The following VWC2L variants were observed in gnomAD, a reference collection of about 807,000 sequenced individuals.
VWC2L encodes von Willebrand factor C domain containing 2 like, also known as von Willebrand factor C domain-containing protein 2-like.
In VWC2L, 10 loss-of-function variants were observed where a neutral mutation model predicts 21.6. The observed-to-expected ratio is 0.46, with a 90% CI of 0.29 to 0.78. The LOEUF is 0.78. VWC2L is among the 30% of genes least tolerant of loss of function. The probability of loss-of-function intolerance (pLI) is 0.10; values close to 1 mark genes in which losing one functional copy is unlikely to be tolerated. For missense variants in VWC2L, 209 were observed against 277.1 expected (o/e 0.75, Z 1.74); for synonymous variants, 96 against 94.3 (o/e 1.02, Z -0.10).
At position 214,502,784 on chromosome 2, in the gene VWC2L, T is replaced by C. The variant is rs370405282; in HGVS notation, c.520+66026T>C. On this transcript the variant is annotated intron_variant, in intron 3 of 3. Transcript: ENST00000312504. ...AATTCTTGTGAAAGTCATTCCTGCT[T>C]CATATAATGAAATTCCTTAACTAGA... is the stretch of plus-strand genomic sequence containing the variant. Among the ~76,000 whole-genome samples, 6 of 152,332 alleles carry C rather than the reference T, an allele frequency of 3.9e-5. No homozygotes were observed. In the South Asian group the frequency reaches 6.2e-4, roughly 16 times the overall value.
intron 3 of VWC2L, among the ~76,000 whole-genome samples, chr2:214,511,477 G>A (rs575076857): frequency 6.6e-6 from 1 of 152,172 alleles, no homozygotes; most frequent in East Asian, 1.9e-4. Context: ...TATAAGAAGA[G>A]GAAGAGAGAG....
At chr2:214,421,939 T>A in intron 2 of VWC2L, among the ~76,000 whole-genome samples, 1 of 115,490 alleles carries the variant, frequency 8.7e-6, no homozygotes, top group South Asian at 2.8e-4. Context: ...TCGCCCAGGC[T>A]GGAGTGCAGT....
At chr2:214,521,716 C>T (rs1188842087) in intron 3 of VWC2L, among the ~76,000 whole-genome samples, 2 of 152,228 alleles carry the variant, frequency 1.3e-5, no homozygotes, top group East Asian at 3.9e-4. Context: ...GCATCATTAA[C>T]TGGAGTAACT....
rs75366088 is a variant in VWC2L, at chr2:214,573,210, G to A, written c.521-2462G>A. Among the ~76,000 whole-genome samples, 1,180 of 151,860 alleles carry A rather than the reference G, an allele frequency of 7.8e-3. 10 individuals are homozygous for A. Among genetic ancestry groups the A allele is most frequent in the Middle Eastern group, 0.014 (4 of 294 alleles). The stretch of plus-strand genomic sequence containing the variant: ...TGCCACTGATATTACCCAGCCTCCC[G>A]TGAGCCAGTAGCATGTCTCTACACA... On this transcript the variant is annotated intron_variant, in intron 3 of 3. Coordinates refer to ENST00000312504, the MANE Select transcript of VWC2L (RefSeq NM_001080500.4).
At chr2:214,414,665 T>G (rs943813414) in intron 2 of VWC2L, 82 bp downstream of exon 2, 12 of 1,434,002 alleles carry the variant, frequency 8.4e-6, no homozygotes, top group Non-Finnish European at 1.0e-5. Context: ...AAGTCAGAGT[T>G]GGAAAAATGT....
intron 3 of VWC2L, among the ~76,000 whole-genome samples, chr2:214,476,610 T>C (rs761300445): frequency 1.1e-4 from 17 of 152,182 alleles, no homozygotes; most frequent in Non-Finnish European, 2.4e-4. Flanking sequence ...TGACAGCAGG[T>C]GCTGAATATC....
At chr2:214,499,611 C>T (rs936813560) in intron 3 of VWC2L, among the ~76,000 whole-genome samples, 1 of 152,074 alleles carries the variant, frequency 6.6e-6, no homozygotes, top group Non-Finnish European at 1.5e-5. Context: ...ATGTACCAAA[C>T]CTGCACGTTG....
intron 3 of VWC2L, among the ~76,000 whole-genome samples, chr2:214,463,524 C>T (rs1205921368): frequency 6.6e-6 from 1 of 152,020 alleles, no homozygotes; most frequent in Non-Finnish European, 1.5e-5. Context: ...ATCTAATAAT[C>T]TCTACTTTAT....
At chr2:214,439,485 A>G (rs539939033) in intron 3 of VWC2L, among the ~76,000 whole-genome samples, 6 of 152,008 alleles carry the variant, frequency 3.9e-5, no homozygotes, top group Non-Finnish European at 7.4e-5. Context: ...AGATGCAACT[A>G]ATTCTAACCT....
intron 2 of VWC2L, among the ~76,000 whole-genome samples, chr2:214,435,504 A>T (rs570539222): frequency 6.6e-6 from 1 of 152,298 alleles, no homozygotes; most frequent in South Asian, 2.1e-4. Flanking sequence ...TCCACTATAG[A>T]CTGTCTGAGT....
Position 214,575,906 on chromosome 2 carries a change from A to C in VWC2L, c.*86A>C. 1 of 1,450,362 alleles carries C rather than the reference A, an allele frequency of 6.9e-7. No individual in the cohort carries two copies. Among genetic ancestry groups the C allele is most frequent in the Non-Finnish European group, 9.3e-7 (1 of 1,077,070 alleles). 89.8% of individuals were successfully genotyped at this position (1,450,362 alleles called of 1,614,324 possible). Reference sequence around the variant, plus strand: ...ATGTTTAACACAAAACAAAACAAACAAACTCCTGCCAGCTACAACAGGGTC... The same window carrying C: ...ATGTTTAACACAAAACAAAACAAACCAACTCCTGCCAGCTACAACAGGGTC... On this transcript the variant is annotated 3_prime_UTR_variant, in exon 4 of 4. Transcript: ENST00000312504.
chr2:214,549,024 C>G (rs1689752335), intron 3 of VWC2L, among the ~76,000 whole-genome samples: 1 of 152,164 alleles, frequency 6.6e-6, no homozygotes, highest in Non-Finnish European at 1.5e-5. Flanking sequence ...TCTGGAGGCT[C>G]CAAGAAATCT....
chr2:214,577,965 T>C lies in VWC2L; in HGVS notation c.*2145T>C, dbSNP rs1574646952. ...CATTTGCCACCATGGATACATCATA[T>C]AGACAGTCATGAATCATTCATGAGC... On this transcript the variant is annotated 3_prime_UTR_variant, in exon 4 of 4. Coordinates refer to ENST00000312504, the MANE Select transcript of VWC2L (RefSeq NM_001080500.4). 6.6e-6 allele frequency: 1 copy of C among 152,128 alleles called. No individual in the cohort carries two copies. The highest frequency in any genetic ancestry group is 2.4e-5 in the African/African-American group (1 of 41,432). The allele number at this position is 152,128 out of a possible 1,614,324, so 9.4% of individuals were successfully genotyped here.
chr2:214,450,215 A>G (rs913244613), intron 3 of VWC2L, among the ~76,000 whole-genome samples: 1 of 152,188 alleles, frequency 6.6e-6, no homozygotes, highest in Non-Finnish European at 1.5e-5. Context: ...TGAGCCTTTC[A>G]AGCCAGAACT....
intron 3 of VWC2L, among the ~76,000 whole-genome samples, chr2:214,511,173 G>A (rs1574606412): frequency 6.6e-6 from 1 of 152,110 alleles, no homozygotes; most frequent in East Asian, 1.9e-4. Flanking sequence ...GCCAAGGCAG[G>A]AAGATCACTT....
chr2:214,449,008 G>A (rs114593152), intron 3 of VWC2L, among the ~76,000 whole-genome samples: 7 of 152,192 alleles, frequency 4.6e-5, no homozygotes, highest in African/African-American at 1.7e-4. Context: ...CGTCATCCAA[G>A]GTTTGCTCTT....
intron 3 of VWC2L, among the ~76,000 whole-genome samples, chr2:214,510,471 C>T (rs1689035758): frequency 6.6e-6 from 1 of 152,132 alleles, no homozygotes; most frequent in Non-Finnish European, 1.5e-5. Flanking sequence ...ATTTATCCTT[C>T]TGTGAAAAAC....
chr2:214,546,071 T>C (rs1362757502), intron 3 of VWC2L, among the ~76,000 whole-genome samples: 1 of 152,168 alleles, frequency 6.6e-6, no homozygotes, highest in Non-Finnish European at 1.5e-5. Context: ...AACATGAATA[T>C]TAGCATGCTT....
Position 214,485,623 on chromosome 2 carries a change from A to G in VWC2L, c.520+48865A>G, listed in dbSNP as rs200764569. ...GATTCTTCCTGAAAAATGTAGTAGG[A>G]GGCTAACATTCACACATTTGCCTCA... is the stretch of plus-strand genomic sequence containing the variant. On this transcript the variant is annotated intron_variant, in intron 3 of 3. Coordinates refer to ENST00000312504, the MANE Select transcript of VWC2L (RefSeq NM_001080500.4). Among the ~76,000 whole-genome samples, 9 of 152,322 alleles carry G rather than the reference A, an allele frequency of 5.9e-5. No individual in the cohort carries two copies. In the East Asian group the frequency reaches 1.7e-3, roughly 29 times the overall value.
Sources: allele counts gnomAD v4.1 joint callset (sites outside exome capture counted in the v4.1 genomes callset), GRCh38; gene constraint gnomAD v4.1.1; transcripts MANE v1.5; gene names NCBI Gene and HGNC (gene_info 2026-07-23, HGNC 2026-07-21).